Variants in WDR18 observed in about 807,000 individuals in gnomAD.
WDR18 encodes the protein WD repeat-containing protein 18.
Under a neutral mutation model 49.6 loss-of-function variants are expected in WDR18, and 33 were observed. That is an observed-to-expected ratio of 0.67 (90% CI 0.50 to 0.89). The LOEUF is 0.89. Among genes scored for constraint, WDR18 ranks in the 40% least tolerant of loss-of-function variants. WDR18 has a pLI of 0.00. For missense variants in WDR18, 653 were observed against 593.6 expected (o/e 1.10, Z -1.04); for synonymous variants, 315 against 263.6 (o/e 1.19, Z -1.89).
At position 990,939 on chromosome 19, in the gene WDR18, C is replaced by T. The variant is rs1051472146; in HGVS notation, c.685C>T (p.His229Tyr). ...AGTGACCATGGACCTGGCTGAGCACCATATGTTCTGCGGGGGCAGTGAGGG... is the reference window on the plus strand; with the variant it reads ...AGTGACCATGGACCTGGCTGAGCACTATATGTTCTGCGGGGGCAGTGAGGG... ...MAVTMDLAEHHMFCGGSEGSI... is the reference protein window; with the variant it reads ...MAVTMDLAEHYMFCGGSEGSI... Residue 229 changes from histidine to tyrosine, a missense_variant, in exon 5 of 10, where the codon CAT (histidine) becomes TAT (tyrosine). Physicochemically the swap from His to Tyr is moderately conservative, Grantham distance 83. Coordinates refer to ENST00000585809, the MANE Select transcript of WDR18 (RefSeq NM_024100.4). 5.6e-6 allele frequency: 9 copies of T among 1,612,616 alleles called. No homozygotes were observed. Among genetic ancestry groups the T allele is most frequent in the Non-Finnish European group, 7.6e-6 (9 of 1,179,850 alleles).
chr19:983,717 G>A (rs1282176567), upstream of WDR18, among the ~76,000 whole-genome samples: 3 of 152,110 alleles, frequency 2.0e-5, no homozygotes, highest in Non-Finnish European at 4.4e-5. Flanking sequence ...CCTAAAGAGG[G>A]GTCAAGGGGG....
Position 994,456 on chromosome 19 carries a change from T to G in WDR18, c.*112T>G. 1 of 1,434,406 alleles carries G rather than the reference T, an allele frequency of 7.0e-7. No individual in the cohort carries two copies. 88.9% of individuals were successfully genotyped at this position (1,434,406 alleles called of 1,614,324 possible). A position where few individuals can be genotyped will look rare whatever the true frequency, so the allele number is the denominator to read the frequency against. On this transcript the variant is annotated 3_prime_UTR_variant, in exon 10 of 10. Transcript: ENST00000585809. ...CAGGCCTGGACTCTCCTCAGTTCTGTGTCGTGTTCGGGTTTTTCCTCTGTG... is the reference window on the plus strand; with the variant it reads ...CAGGCCTGGACTCTCCTCAGTTCTGGGTCGTGTTCGGGTTTTTCCTCTGTG...
At chr19:984,230 G>C (rs905810958), upstream of WDR18, 1 of 1,022,366 alleles carries the variant, frequency 9.8e-7, no homozygotes, top group African/African-American at 1.7e-5. Flanking sequence ...CTCTCTCCGA[G>C]GCACGGGCGC....
chr19:986,968 G>A (rs925028968), intron 2 of WDR18, among the ~76,000 whole-genome samples: 1 of 152,194 alleles, frequency 6.6e-6, no homozygotes, highest in Non-Finnish European at 1.5e-5. Flanking sequence ...TGCCCTTCCT[G>A]ACCTTGTCCT....
In WDR18 at chr19:991,986, G is replaced by T. The variant is rs1242480055; in HGVS notation, c.963G>T (p.Ala321=). 1.3e-6 allele frequency: 2 copies of T among 1,595,858 alleles called. No homozygotes were observed. The highest frequency in any genetic ancestry group is 1.7e-6 in the Non-Finnish European group (2 of 1,175,578). Residue 321 remains alanine (A), a synonymous_variant, in exon 8 of 10, where the codon GCG becomes GCT. Transcript: ENST00000585809. ...GPVTNAAILL[A]PVSMLSSDFR... is the part of the protein sequence containing the mutation. ...TCACCAATGCCGCCATCCTGCTGGC[G>T]CCCGTCAGCATGCTGAGCTCAGACT... is the stretch of plus-strand genomic sequence containing the variant.
chr19:984,249 G>A (rs896993051), upstream of WDR18: 2 of 1,235,188 alleles, frequency 1.6e-6, no homozygotes, highest in Non-Finnish European at 2.1e-6. Context: ...GCATGCGCGG[G>A]TCGGCCACCC....
rs2038568498 is a variant in WDR18, at chr19:992,195, C to G, written c.1098+74C>G. 3.6e-6 allele frequency: 5 copies of G among 1,379,118 alleles called. No individual in the cohort carries two copies. In the South Asian group the frequency reaches 6.5e-5, roughly 18 times the overall value. 85.4% of individuals were successfully genotyped at this position (1,379,118 alleles called of 1,614,324 possible). On this transcript the variant is annotated intron_variant, in intron 8 of 9. Transcript: ENST00000585809. ...CCCGCGGGCCCTGGGCTCCTTCGCT[C>G]CCTTGGTCCTGGCGCCCGTGCGGCG...
Position 989,662 on chromosome 19 carries a change from G to A in WDR18, c.322-100G>A, listed in dbSNP as rs10416099. 4 of 1,517,006 alleles carry A rather than the reference G, an allele frequency of 2.6e-6. No homozygotes were observed. The African/African-American group carries it at 5.5e-5, about 21-fold the overall frequency. 94.0% of individuals were successfully genotyped at this position (1,517,006 alleles called of 1,614,324 possible). A position where few individuals can be genotyped will look rare whatever the true frequency, so the allele number is the denominator to read the frequency against. On this transcript the variant is annotated intron_variant, in intron 2 of 9. Transcript: ENST00000585809. ...GGCAGGGCAGGCAGGGGGCGACAGT[G>A]TGGCCATGGCCGTGCAGTGGTGGGT...
chr19:986,691 G>C (rs1336195001), intron 2 of WDR18, among the ~76,000 whole-genome samples: 1 of 152,196 alleles, frequency 6.6e-6, no homozygotes, highest in African/African-American at 2.4e-5. Flanking sequence ...TTTGCATTTA[G>C]GCCAGCTTCT....
intron 7 of WDR18, 152 bp from the exon 8 acceptor site, chr19:991,803 G>T: frequency 1.2e-6 from 1 of 819,458 alleles, no homozygotes. Context: ...GGCGTGGACT[G>T]GTCGTGGGGC....
Position 991,368 on chromosome 19 carries a change from T to TCGGC in WDR18, c.931+19_931+22dup. On this transcript the variant is annotated intron_variant, in intron 7 of 9. Coordinates refer to ENST00000585809, the MANE Select transcript of WDR18 (RefSeq NM_024100.4). ...CCCTCAAAGGTGGGCGCGCCTCTGCTCGGCCCGCGGCCAGCGCGCAGGGGA... is the reference window on the plus strand; with the variant it reads ...CCCTCAAAGGTGGGCGCGCCTCTGCTCGGCCGGCCCGCGGCCAGCGCGCAGGGGA... 1 of 1,511,570 alleles carries TCGGC rather than the reference T, an allele frequency of 6.6e-7. No individual in the cohort carries two copies. Among genetic ancestry groups the TCGGC allele is most frequent in the Non-Finnish European group, 8.9e-7 (1 of 1,126,522 alleles). 93.6% of individuals were successfully genotyped at this position (1,511,570 alleles called of 1,614,324 possible). A position where few individuals can be genotyped will look rare whatever the true frequency, so the allele number is the denominator to read the frequency against.
intron 8 of WDR18, among the ~76,000 whole-genome samples, chr19:992,467 G>T (rs1245146216): frequency 6.6e-6 from 1 of 152,364 alleles, no homozygotes; most frequent in East Asian, 1.9e-4. Context: ...GAGCCAAAAG[G>T]TTCACGTCTG....
intron 8 of WDR18, 97 bp downstream of exon 8, chr19:992,218 G>T (rs1014153971): frequency 1.2e-5 from 16 of 1,354,482 alleles, no homozygotes; most frequent in Non-Finnish European, 1.5e-5. Flanking sequence ...CGCCCGTGCG[G>T]CGGTTCCCCA....
At chr19:989,626 C>G in intron 2 of WDR18, 136 bp from the exon 3 acceptor site, 1 of 1,299,218 alleles carries the variant, frequency 7.7e-7, no homozygotes, top group Non-Finnish European at 1.0e-6. Flanking sequence ...AGGGTCACCC[C>G]GCAGTCCTGG....
chr19:983,766 G>A (rs950594815), upstream of WDR18, among the ~76,000 whole-genome samples: 16 of 151,822 alleles, frequency 1.1e-4, no homozygotes, highest in African/African-American at 3.9e-4. Flanking sequence ...TGGGCCGGGC[G>A]CGGTGGCTCA....
At position 991,408 on chromosome 19, in the gene WDR18, G is replaced by A. The variant is rs1477652573; in HGVS notation, c.931+57G>A. ...CGCGCAGGGGAAAAAGCCAGCAGGAGCTCCGGGCTTGGCTTGGGTGGGGGC... is the reference window on the plus strand; with the variant it reads ...CGCGCAGGGGAAAAAGCCAGCAGGAACTCCGGGCTTGGCTTGGGTGGGGGC... On this transcript the variant is annotated intron_variant, in intron 7 of 9. Transcript: ENST00000585809. 5 of 1,445,468 alleles carry A rather than the reference G, an allele frequency of 3.5e-6. No individual in the cohort carries two copies. The Admixed American group carries it at 9.7e-5, about 28-fold the overall frequency. The allele number at this position is 1,445,468 out of a possible 1,614,324, so 89.5% of individuals were successfully genotyped here.
intron 2 of WDR18, 113 bp from the exon 3 acceptor site, chr19:989,649 A>AG: frequency 6.9e-7 from 1 of 1,447,490 alleles, no homozygotes; most frequent in Non-Finnish European, 9.3e-7. Context: ...CAGGGCAGGC[A>AG]GGGGGCGACA....
chr19:983,935 TTGCTGGG>T (rs2038445331), upstream of WDR18, among the ~76,000 whole-genome samples: 2 of 152,160 alleles, frequency 1.3e-5, no homozygotes, highest in Non-Finnish European at 2.9e-5. Flanking sequence ...ACTAGCCATG[TTGCTGGG>T]TGTGCGCTCT....
chr19:990,828 C>G, intron 4 of WDR18, 24 bp from the exon 5 acceptor site: 1 of 1,583,720 alleles, frequency 6.3e-7, no homozygotes, highest in South Asian at 1.2e-5. Context: ...CGGGCCGAGC[C>G]CCACGCCCTT....
Sources: allele counts gnomAD v4.1 joint callset (sites outside exome capture counted in the v4.1 genomes callset), GRCh38; gene constraint gnomAD v4.1.1; transcripts MANE v1.5; gene names NCBI Gene and HGNC (gene_info 2026-07-23, HGNC 2026-07-21).